The following AJAP1 variants were observed in gnomAD, a reference collection of about 807,000 sequenced individuals.
The protein encoded by AJAP1 is adherens junction-associated protein 1.
AJAP1 carries 5 observed loss-of-function variants against 35.0 expected under a neutral mutation model. The observed-to-expected ratio is 0.14, with a 90% CI of 0.07 to 0.30. The LOEUF (loss-of-function observed/expected upper bound fraction) is 0.30. AJAP1 is among the 10% of genes least tolerant of loss of function. AJAP1 has a pLI of 1.00. For synonymous variants in AJAP1, 284 were observed against 249.3 expected, an observed-to-expected ratio of 1.14 and a Z score of -1.31; for missense variants, 586 against 571.0, an observed-to-expected ratio of 1.03 and a Z score of -0.27.
intron 1 of AJAP1, among the ~76,000 whole-genome samples, chr1:4,708,246 G>A (rs1284585775): frequency 1.3e-5 from 2 of 151,956 alleles, no homozygotes; most frequent in South Asian, 2.1e-4. Context: ...GATTACAGGC[G>A]TGAGCCACCA....
At chr1:4,676,829 C>T (rs1639373014) in intron 1 of AJAP1, among the ~76,000 whole-genome samples, 1 of 152,170 alleles carries the variant, frequency 6.6e-6, no homozygotes, top group Non-Finnish European at 1.5e-5. Flanking sequence ...GTGGGAAGAA[C>T]ATGTGCAATG....
chr1:4,731,140 G>A (rs1047898520), intron 2 of AJAP1, among the ~76,000 whole-genome samples: 1 of 152,140 alleles, frequency 6.6e-6, no homozygotes, highest in African/African-American at 2.4e-5. Context: ...GAGTGCAATG[G>A]CACAATCTTG....
chr1:4,666,210 G>A (rs1229737929), intron 1 of AJAP1, among the ~76,000 whole-genome samples: 5 of 149,442 alleles, frequency 3.3e-5, no homozygotes, highest in Non-Finnish European at 3.0e-5. Flanking sequence ...CACCCAGGAG[G>A]GGCACCCCGC....
At chr1:4,676,318 T>G (rs1639361550) in intron 1 of AJAP1, among the ~76,000 whole-genome samples, 1 of 152,200 alleles carries the variant, frequency 6.6e-6, no homozygotes, top group Non-Finnish European at 1.5e-5. Context: ...AAATTGAGTT[T>G]ATTTACGACA....
chr1:4,698,349 A>G (rs1467468474), intron 1 of AJAP1, among the ~76,000 whole-genome samples: 3 of 152,140 alleles, frequency 2.0e-5, no homozygotes, highest in Admixed American at 1.3e-4. Context: ...ATGAGTCTTC[A>G]TCTCACAGAC....
At position 4,720,340 on chromosome 1, in the gene AJAP1, G is replaced by A. The variant is rs776640678; in HGVS notation, c.829+7641G>A. ...TGATGATGCAAAATAAAGGGAAAAA[G>A]CCTCCCTTTCCAGAAGTTTCTTTCA... On this transcript the variant is annotated intron_variant, in intron 2 of 5. Coordinates refer to ENST00000378191, the MANE Select transcript of AJAP1 (RefSeq NM_018836.4). The surrounding 1 kb of genome is among the most constrained non-coding windows in gnomAD (Gnocchi z 4.4). 5.3e-5 allele frequency among the ~76,000 whole-genome samples: 8 copies of A among 152,228 alleles called. No individual in the cohort carries two copies. The highest frequency in any genetic ancestry group is 1.2e-4 in the Non-Finnish European group (8 of 68,034).
At chr1:4,667,197 C>T (rs76508223) in intron 1 of AJAP1, among the ~76,000 whole-genome samples, 7,952 of 152,214 alleles carry the variant, frequency 0.052, 451 homozygotes, top group Admixed American at 0.16. Flanking sequence ...AACACGTCTG[C>T]GGTCAGTTGC....
intron 4 of AJAP1, 115 bp downstream of exon 4, chr1:4,772,640 C>T: frequency 2.8e-6 from 4 of 1,449,512 alleles, no homozygotes; most frequent in Non-Finnish European, 3.7e-6. Context: ...TCCCTGAGGT[C>T]GCTTTGAGGG....
intron 1 of AJAP1, among the ~76,000 whole-genome samples, chr1:4,705,558 AG>A (rs1640084773): frequency 6.6e-6 from 1 of 151,648 alleles, no homozygotes; most frequent in Non-Finnish European, 1.5e-5. Context: ...ATGCTATTCA[AG>A]GTCAGCTTCA....
chr1:4,725,837 C>T (rs1414681811), intron 2 of AJAP1, among the ~76,000 whole-genome samples: 5 of 152,184 alleles, frequency 3.3e-5, no homozygotes, highest in African/African-American at 9.7e-5. Context: ...TCTGTGTCCT[C>T]GTCTCCTCCT....
rs1400153669 is a variant in AJAP1 at position 4,783,527 on chromosome 1, A to G, written c.*1042A>G. On this transcript the variant is annotated 3_prime_UTR_variant, in exon 6 of 6. Transcript: ENST00000378191. ...TATATATATGTTTGTGTGTGTATAT[A>G]TATATATATATATATATGTTTGTGT... 1.6e-4 allele frequency: 23 copies of G among 144,758 alleles called. 1 individual carries two copies. The East Asian group carries it at 1.8e-3, about 11-fold the overall frequency. The allele number at this position is 144,758 out of a possible 1,614,324, so 9.0% of individuals were successfully genotyped here.
chr1:4,673,498 C>T (rs1223776575), intron 1 of AJAP1, among the ~76,000 whole-genome samples: 1 of 152,190 alleles, frequency 6.6e-6, no homozygotes, highest in Non-Finnish European at 1.5e-5. Context: ...TGTGGGCAGG[C>T]CTTCAACCCA....
chr1:4,671,960 C>G (rs1639257816), intron 1 of AJAP1, among the ~76,000 whole-genome samples: 1 of 152,204 alleles, frequency 6.6e-6, no homozygotes, highest in Non-Finnish European at 1.5e-5. Context: ...GTGAGGCACA[C>G]TGTTCTCCTT....
chr1:4,782,606 A>T lies in AJAP1; in HGVS notation c.*121A>T, dbSNP rs935110147. The T allele has an allele frequency of 1.3e-5, 5 of 397,060 alleles. No individual in the cohort carries two copies. Among genetic ancestry groups the T allele is most frequent in the African/African-American group, 1.0e-4 (5 of 48,610 alleles). 24.6% of individuals were successfully genotyped at this position (397,060 alleles called of 1,614,324 possible). A position where few individuals can be genotyped will look rare whatever the true frequency, so the allele number is the denominator to read the frequency against. On this transcript the variant is annotated 3_prime_UTR_variant, in exon 6 of 6. Coordinates refer to ENST00000378191, the MANE Select transcript of AJAP1 (RefSeq NM_018836.4). This position sits in a 1 kb window ranked among gnomAD's most constrained non-coding sequence, Gnocchi z 5.3. ...AAACAAAACAAAAAAGACAAAACCT[A>T]AAACTGAGCTATCTAAGGGGGAGGG...
intron 1 of AJAP1, among the ~76,000 whole-genome samples, chr1:4,690,228 CTG>C (rs1356699154): frequency 6.6e-6 from 1 of 152,214 alleles, no homozygotes. Flanking sequence ...TTTGTGGCCT[CTG>C]AAGTCAGTCC....
rs546256056 is a variant in AJAP1, at chr1:4,654,778, C to T, written c.-648C>T. ...CCCTCGCCCCGCGCGCCTCTCGTGC[C>T]CGCCTCCTGCCAGTCTCCGGGCCGC... On this transcript the variant is annotated 5_prime_UTR_variant, in exon 1 of 6. Coordinates refer to ENST00000378191, the MANE Select transcript of AJAP1 (RefSeq NM_018836.4). The surrounding 1 kb of genome is among the most constrained non-coding windows in gnomAD (Gnocchi z 5.1). 2.7e-3 allele frequency: 404 copies of T among 149,878 alleles called. No individual in the cohort carries two copies. Among genetic ancestry groups the T allele is most frequent in the Non-Finnish European group, 5.0e-3 (334 of 67,342 alleles). 9.3% of individuals were successfully genotyped at this position (149,878 alleles called of 1,614,324 possible). A position where few individuals can be genotyped will look rare whatever the true frequency, so the allele number is the denominator to read the frequency against.
intron 1 of AJAP1, among the ~76,000 whole-genome samples, chr1:4,697,415 C>T (rs1639889089): frequency 1.3e-5 from 2 of 152,240 alleles, no homozygotes; most frequent in Admixed American, 6.5e-5. Context: ...TCAGTGGTTA[C>T]TGTAGGTAAT....
chr1:4,675,138 GTGTGAGGA>G (rs923734890), intron 1 of AJAP1, among the ~76,000 whole-genome samples: 39 of 152,324 alleles, frequency 2.6e-4, no homozygotes, highest in African/African-American at 8.9e-4. Flanking sequence ...GTGTGGGCTT[GTGTGAGGA>G]TAGAGGGAGT....
chr1:4,669,321 A>G (rs1485781840), intron 1 of AJAP1, among the ~76,000 whole-genome samples: 1 of 152,216 alleles, frequency 6.6e-6, no homozygotes, highest in Non-Finnish European at 1.5e-5. Context: ...TTATACTGCT[A>G]TGAAGAAATG....
Sources: gnomAD v4.1 joint callset for allele counts (sites outside exome capture counted in the v4.1 genomes callset) on GRCh38, gnomAD v4.1.1 for gene constraint, Gnocchi (gnomAD v3.1) non-coding constraint, MANE v1.5 for transcripts, NCBI Gene and HGNC (gene_info 2026-07-23, HGNC 2026-07-21) for gene names.